CIITA: variants seen among roughly 807,000 people sequenced by gnomAD.
CIITA encodes the protein class II major histocompatibility complex transactivator.
Under a neutral mutation model 115.1 loss-of-function variants are expected in CIITA, and 72 were observed. That is an observed-to-expected ratio of 0.63 (90% CI 0.52 to 0.76). The LOEUF (loss-of-function observed/expected upper bound fraction) is 0.76. CIITA is among the 30% of genes least tolerant of loss of function. The probability of loss-of-function intolerance (pLI) is 0.00; values close to 1 mark genes in which losing one functional copy is unlikely to be tolerated. For synonymous variants in CIITA, 763 were observed against 635.6 expected, an observed-to-expected ratio of 1.20 and a Z score of -3.02; for missense variants, 1,617 against 1,463.8, an observed-to-expected ratio of 1.10 and a Z score of -1.71.
rs2040744335 is a variant in CIITA at position 10,930,608 on chromosome 16, G to A, written c.*6753G>A. 2 of 152,222 alleles carry A rather than the reference G, an allele frequency of 1.3e-5. No individual in the cohort carries two copies. The highest frequency in any genetic ancestry group is 3.1e-3 in the Middle Eastern group (1 of 318). The allele number at this position is 152,222 out of a possible 1,614,324, so 9.4% of individuals were successfully genotyped here. ...CCTGCCTAAAGATGCACAGCTATGA[G>A]AGGCAAAGCTGGCACTGGCTTGGTA... On this transcript the variant is annotated 3_prime_UTR_variant, in exon 20 of 20. Transcript: ENST00000324288.
chr16:10,919,350 C>A (rs1364741224), intron 16 of CIITA, among the ~76,000 whole-genome samples: 9 of 152,104 alleles, frequency 5.9e-5, no homozygotes, highest in African/African-American at 1.9e-4. Flanking sequence ...GCGCCCACCA[C>A]CACGTCCAGC....
chr16:10,922,154 C>G lies in CIITA; in HGVS notation c.3150-13C>G. The G allele has an allele frequency of 6.2e-7, 1 of 1,613,952 alleles. No homozygotes were observed. The highest frequency in any genetic ancestry group is 2.2e-5 in the East Asian group (1 of 44,880). On this transcript the variant is annotated splice_polypyrimidine_tract_variant and intron_variant, in intron 16 of 19. Transcript: ENST00000324288. ...GGCCTCCAATCCCTCCCCCTGGCCT[C>G]TGTTTCCGACAGCTTGTACAATAAC...
chr16:10,899,017 C>A lies in CIITA; in HGVS notation c.436+15C>A. 1.9e-6 allele frequency: 3 copies of A among 1,613,544 alleles called. No homozygotes were observed. The highest frequency in any genetic ancestry group is 2.5e-6 in the Non-Finnish European group (3 of 1,179,556). On this transcript the variant is annotated intron_variant, in intron 5 of 19. Coordinates refer to ENST00000324288, the MANE Select transcript of CIITA (RefSeq NM_000246.4). ...TCAGAAAAGACGTGAGTGAGCCCCT[C>A]CCTGATCCAACCTAGCCTTGCTTGA...
downstream of CIITA, chr16:10,936,420 T>A (rs1596658414): frequency 2.0e-5 from 3 of 152,326 alleles, no homozygotes; most frequent in Middle Eastern, 0.01. Context: ...CATTTTCAAA[T>A]GCTTATGAAA....
Position 10,907,127 on chromosome 16 carries a change from C to G in CIITA, c.1635C>G (p.Leu545=), listed in dbSNP as rs748330320. Residue 545 remains leucine (L), a synonymous_variant, in exon 11 of 20, where the codon CTC becomes CTG. Transcript: ENST00000324288. This position sits in a 1 kb window ranked among gnomAD's most constrained non-coding sequence, Gnocchi z 5.0. The part of the protein sequence containing the change: ...KKLLRGCTLL[L]TARPRGRLVQ... ...TGCTCCGAGGTTGCACCCTCCTCCT[C>G]ACAGCCCGGCCCCGGGGCCGCCTGG... The G allele has an allele frequency of 4.0e-5, 64 of 1,612,026 alleles. No individual in the cohort carries two copies. The highest frequency in any genetic ancestry group is 5.3e-5 in the Non-Finnish European group (62 of 1,179,810).
chr16:10,881,935 T>C (rs1373462617), intron 1 of CIITA, among the ~76,000 whole-genome samples: 2 of 152,252 alleles, frequency 1.3e-5, no homozygotes, highest in African/African-American at 4.8e-5. Context: ...TTTGTCTTTT[T>C]GTGCCTGGCT....
upstream of CIITA, among the ~76,000 whole-genome samples, chr16:10,874,158 A>G (rs1433251527): frequency 6.6e-6 from 1 of 151,760 alleles, no homozygotes; most frequent in East Asian, 1.9e-4. Context: ...TAATTTTTCT[A>G]TTTTTAGTAG....
Position 10,928,004 on chromosome 16 carries a change from T to G in CIITA, c.*4149T>G, listed in dbSNP as rs2040603998. 6.6e-6 allele frequency: 1 copy of G among 152,258 alleles called. No homozygotes were observed. Among genetic ancestry groups the G allele is most frequent in the Non-Finnish European group, 1.5e-5 (1 of 68,082 alleles). 9.4% of individuals were successfully genotyped at this position (152,258 alleles called of 1,614,324 possible). A position where few individuals can be genotyped will look rare whatever the true frequency, so the allele number is the denominator to read the frequency against. ...TCGCAGGCCTCTCTCTGCATACAAATGTCTCCCTCCTGACGCTCACCTTTT... is the reference window on the plus strand; with the variant it reads ...TCGCAGGCCTCTCTCTGCATACAAAGGTCTCCCTCCTGACGCTCACCTTTT... On this transcript the variant is annotated 3_prime_UTR_variant, in exon 20 of 20. Transcript: ENST00000324288.
chr16:10,922,028 T>C (rs147720708), intron 16 of CIITA, 139 bp from the exon 17 acceptor site: 2 of 778,562 alleles, frequency 2.6e-6, no homozygotes, highest in East Asian at 4.9e-5. Context: ...AATGCCAGGC[T>C]CTGTTGTGCA....
At chr16:10,881,453 T>C (rs2036425554) in intron 1 of CIITA, among the ~76,000 whole-genome samples, 1 of 152,250 alleles carries the variant, frequency 6.6e-6, no homozygotes, top group Non-Finnish European at 1.5e-5. Flanking sequence ...TTCAGATTCC[T>C]TCAATCCTTC....
At chr16:10,894,834 T>C (rs1439390402) in intron 1 of CIITA, among the ~76,000 whole-genome samples, 4 of 152,216 alleles carry the variant, frequency 2.6e-5, no homozygotes, top group Non-Finnish European at 5.9e-5. Context: ...CATAAATCAC[T>C]TCACCTCTCT....
In CIITA at chr16:10,923,216, C is replaced by G. The variant is rs375205710; in HGVS notation, c.3318-12C>G. 62 of 1,611,802 alleles carry G rather than the reference C, an allele frequency of 3.8e-5. No individual in the cohort carries two copies. The highest frequency in any genetic ancestry group is 5.1e-5 in the Non-Finnish European group (60 of 1,179,494). ...CCTCTAACCTGGCTCTGAGTCCCAT[C>G]CCCCCTTGCAGGATGTGGACGCCCA... is the stretch of plus-strand genomic sequence containing the variant. On this transcript the variant is annotated splice_polypyrimidine_tract_variant and intron_variant, in intron 18 of 19. Coordinates refer to ENST00000324288, the MANE Select transcript of CIITA (RefSeq NM_000246.4). This position sits in a 1 kb window ranked among gnomAD's most constrained non-coding sequence, Gnocchi z 5.2.
chr16:10,877,859 C>G (rs1485622495), intron 1 of CIITA, among the ~76,000 whole-genome samples: 1 of 152,194 alleles, frequency 6.6e-6, no homozygotes, highest in Non-Finnish European at 1.5e-5. Flanking sequence ...GGATGCTGCC[C>G]TCCCCCCAGT....
At position 10,901,457 on chromosome 16, in the gene CIITA, C is replaced by T; in HGVS notation, c.437-57C>T. On this transcript the variant is annotated intron_variant, in intron 5 of 19. Coordinates refer to ENST00000324288, the MANE Select transcript of CIITA (RefSeq NM_000246.4). This position sits in a 1 kb window ranked among gnomAD's most constrained non-coding sequence, Gnocchi z 6.8. ...GTATAGCCTGCTAGAGTCCTGAGCC[C>T]CTTCTGGCTTGGGACATCCTCTCCC... 6.3e-7 allele frequency: 1 copy of T among 1,593,100 alleles called. No homozygotes were observed. Among genetic ancestry groups the T allele is most frequent in the Non-Finnish European group, 8.6e-7 (1 of 1,161,310 alleles).
chr16:10,900,688 C>T (rs1455184267), intron 5 of CIITA, among the ~76,000 whole-genome samples: 1 of 150,152 alleles, frequency 6.7e-6, no homozygotes, highest in Non-Finnish European at 1.5e-5. Flanking sequence ...TGCAGTGAGC[C>T]AAGATTGCGC....
At chr16:10,906,448 T>G in intron 10 of CIITA, 51 bp from the exon 11 acceptor site, 1 of 1,595,828 alleles carries the variant, frequency 6.3e-7, no homozygotes, top group East Asian at 2.2e-5. Flanking sequence ...TGGCTGGCCC[T>G]GGCCCTGCCT....
intron 16 of CIITA, among the ~76,000 whole-genome samples, chr16:10,921,861 C>G (rs1279551171): frequency 6.6e-6 from 1 of 152,184 alleles, no homozygotes; most frequent in East Asian, 1.9e-4. Flanking sequence ...CTGCAGGGGA[C>G]ACTGAGATCC....
intron 1 of CIITA, among the ~76,000 whole-genome samples, chr16:10,882,454 T>C (rs892110979): frequency 2.0e-5 from 3 of 152,180 alleles, no homozygotes; most frequent in African/African-American, 7.2e-5. Context: ...AGGGGCCTGG[T>C]GCAGTGGCTC....
rs2036238290 is a variant in CIITA, at chr16:10,879,829, C to T, written c.52+2447C>T. ...GAAAGCCGGAATCGGAGCCACCATG[C>T]TTAGCTTAGTCTGGAACTCTTAAAA... On this transcript the variant is annotated intron_variant, in intron 1 of 19. Coordinates refer to ENST00000324288, the MANE Select transcript of CIITA (RefSeq NM_000246.4). This position sits in a 1 kb window ranked among gnomAD's most constrained non-coding sequence, Gnocchi z 4.3. 1.3e-5 allele frequency among the ~76,000 whole-genome samples: 2 copies of T among 152,272 alleles called. No individual in the cohort carries two copies. Among genetic ancestry groups the T allele is most frequent in the South Asian group, 2.1e-4 (1 of 4,826 alleles).
Sources: gnomAD v4.1 joint callset for allele counts (sites outside exome capture counted in the v4.1 genomes callset) on GRCh38, gnomAD v4.1.1 for gene constraint, Gnocchi (gnomAD v3.1) non-coding constraint, MANE v1.5 for transcripts, NCBI Gene and HGNC (gene_info 2026-07-23, HGNC 2026-07-21) for gene names.